Variants in PCYT1B observed in about 807,000 individuals in gnomAD.
PCYT1B encodes choline-phosphate cytidylyltransferase B.
Under a neutral mutation model 26.4 loss-of-function variants are expected in PCYT1B, and 10 were observed. The observed-to-expected ratio is 0.38, with a 90% CI of 0.23 to 0.64. The LOEUF (loss-of-function observed/expected upper bound fraction) is 0.64, where lower values mean the gene tolerates loss of function less well. Among genes scored for constraint, PCYT1B ranks in the 30% least tolerant of loss-of-function variants. PCYT1B has a pLI of 0.56. For missense variants in PCYT1B, 161 were observed against 292.7 expected (o/e 0.55, Z 3.28); for synonymous variants, 131 against 108.4 (o/e 1.21, Z -1.29).
At chrX:24,593,588 G>A (rs1016433489) in intron 3 of PCYT1B, among the ~76,000 whole-genome samples, 4 of 106,212 alleles carry the variant, frequency 3.8e-5, no homozygotes, top group East Asian at 2.9e-4. Context: ...GTGCAATGGC[G>A]CGATCTCAGC....
At chrX:24,610,954 C>T (rs1002467864) in intron 2 of PCYT1B, among the ~76,000 whole-genome samples, 38 of 112,007 alleles carry the variant, frequency 3.4e-4, no homozygotes, top group Non-Finnish European at 9.4e-5. Flanking sequence ...TTCAAACAAG[C>T]TATATATAAA....
chrX:24,579,809 G>A (rs1602156432), intron 5 of PCYT1B, among the ~76,000 whole-genome samples: 2 of 111,771 alleles, frequency 1.8e-5, no homozygotes, highest in African/African-American at 6.5e-5. Context: ...TCAAGGTTAT[G>A]CCTCTGGGAA....
intron 3 of PCYT1B, among the ~76,000 whole-genome samples, chrX:24,594,874 G>T (rs1427771048): frequency 9.0e-6 from 1 of 111,222 alleles, no homozygotes; most frequent in Non-Finnish European, 1.9e-5. Context: ...TAGGAATTGA[G>T]CTTGGGAGCC....
intron 3 of PCYT1B, among the ~76,000 whole-genome samples, chrX:24,594,702 C>T: frequency 8.9e-6 from 1 of 112,292 alleles, no homozygotes; most frequent in Middle Eastern, 4.6e-3. Flanking sequence ...CCCAAAGCAG[C>T]ACTGTTGTTC....
chrX:24,572,918 T>TTATATATATATATATATA (rs371692891), intron 7 of PCYT1B, among the ~76,000 whole-genome samples: 2 of 96,316 alleles, frequency 2.1e-5, no homozygotes, highest in African/African-American at 7.5e-5. Context: ...TTTCATCAAA[T>TTATATATATATATATATA]TATATATATA....
chrX:24,607,610 A>G (rs960290437), intron 3 of PCYT1B, 135 bp downstream of exon 3: 2 of 438,899 alleles, frequency 4.6e-6, no homozygotes, highest in Non-Finnish European at 8.1e-6. Flanking sequence ...CAGGCAGTGA[A>G]CAAGCGAGCC....
chrX:24,658,531 G>GT (rs1926972115), intron 1 of PCYT1B, among the ~76,000 whole-genome samples: 1 of 52,028 alleles, frequency 1.9e-5, no homozygotes, highest in African/African-American at 8.0e-5. Flanking sequence ...TTTTTTTTTA[G>GT]CTTCTAGAAG....
chrX:24,572,964 A>G (rs1028189132), intron 7 of PCYT1B, among the ~76,000 whole-genome samples: 8 of 107,356 alleles, frequency 7.5e-5, no homozygotes, highest in African/African-American at 2.4e-4. Flanking sequence ...ACACACATAC[A>G]CACACATATA....
At chrX:24,610,214 C>A (rs959817960) in intron 2 of PCYT1B, among the ~76,000 whole-genome samples, 13 of 111,615 alleles carry the variant, frequency 1.2e-4, no homozygotes, top group Non-Finnish European at 1.5e-4. Flanking sequence ...GTGATTATTT[C>A]TTGATGCAAT....
chrX:24,600,280 C>T (rs888110586), intron 3 of PCYT1B, among the ~76,000 whole-genome samples: 3 of 111,140 alleles, frequency 2.7e-5, no homozygotes, highest in African/African-American at 9.8e-5. Context: ...TAAAAGTGGC[C>T]ACTCGGTCCT....
chrX:24,644,644 C>T (rs1443472272), intron 1 of PCYT1B, among the ~76,000 whole-genome samples: 1 of 111,795 alleles, frequency 8.9e-6, no homozygotes. Context: ...AAGTCACTTA[C>T]CCTCTCTGAA....
chrX:24,661,541 GC>G (rs1927029282), intron 1 of PCYT1B, among the ~76,000 whole-genome samples: 1 of 111,701 alleles, frequency 9.0e-6, no homozygotes, highest in South Asian at 3.8e-4. Context: ...ATAGAACCTG[GC>G]TTTGATCACA....
intron 2 of PCYT1B, among the ~76,000 whole-genome samples, chrX:24,612,546 A>T (rs1237452162): frequency 8.9e-6 from 1 of 112,282 alleles, no homozygotes; most frequent in Non-Finnish European, 1.9e-5. Context: ...ATCCTCAATA[A>T]CATTAGTCAT....
chrX:24,670,108 GAAA>G (rs1569261904), intron 1 of PCYT1B, among the ~76,000 whole-genome samples: 1,055 of 76,081 alleles, frequency 0.014, 12 homozygotes, highest in Non-Finnish European at 0.02. Context: ...AAGAAAGAAA[GAAA>G]GAAAGGAAGG....
intron 1 of PCYT1B, among the ~76,000 whole-genome samples, chrX:24,631,828 G>A (rs915531626): frequency 9.9e-5 from 11 of 111,629 alleles, no homozygotes; most frequent in African/African-American, 2.9e-4. Context: ...AGCTGGGCAC[G>A]GTGGCGCATG....
chrX:24,655,680 G>C (rs1452765524), intron 1 of PCYT1B, among the ~76,000 whole-genome samples: 1 of 111,191 alleles, frequency 9.0e-6, no homozygotes, highest in Non-Finnish European at 1.9e-5. Context: ...CTACTCAGGA[G>C]GCTGAGGCAG....
intron 1 of PCYT1B, among the ~76,000 whole-genome samples, chrX:24,666,379 A>T (rs1443298467): frequency 9.0e-6 from 1 of 111,570 alleles, no homozygotes. Context: ...TGTAGGACAA[A>T]CTCTTAAAGA....
chrX:24,637,256 G>C lies in PCYT1B; in HGVS notation c.117+9733C>G, dbSNP rs1406829785. Among the ~76,000 whole-genome samples, 5 of 107,552 alleles carry C rather than the reference G, an allele frequency of 4.6e-5. No homozygotes were observed. In the East Asian group the frequency reaches 1.5e-3, roughly 32 times the overall value. The allele number at this position is 107,552 out of a possible 115,157, so 93.4% of individuals were successfully genotyped here. On this transcript the variant is annotated intron_variant, in intron 1 of 7. Transcript: ENST00000379144. Reference sequence around the variant, plus strand: ...TGGGAGCTTGAGCAGGCAATTCTCTGCTCACTGAAGTTTGTGAACTATGTG... The same window carrying C: ...TGGGAGCTTGAGCAGGCAATTCTCTCCTCACTGAAGTTTGTGAACTATGTG...
intron 3 of PCYT1B, among the ~76,000 whole-genome samples, chrX:24,593,433 C>T (rs12560185): frequency 1.2e-4 from 8 of 66,396 alleles, no homozygotes; most frequent in African/African-American, 4.8e-4. Context: ...TCTTTCTTTC[C>T]TTTCTTTCTT....
Sources: allele counts gnomAD v4.1 joint callset (sites outside exome capture counted in the v4.1 genomes callset), GRCh38; gene constraint gnomAD v4.1.1; transcripts MANE v1.5; gene names NCBI Gene and HGNC (gene_info 2026-07-23, HGNC 2026-07-21).